SLC7A1: variants seen among roughly 807,000 people sequenced by gnomAD.
The protein encoded by SLC7A1 is solute carrier family 7 member 1.
SLC7A1 carries 10 observed loss-of-function variants against 53.9 expected under a neutral mutation model. The ratio of observed to expected loss-of-function variants is 0.19; its 90% confidence interval spans 0.11 to 0.31. The LOEUF is 0.31. Ranked by LOEUF, SLC7A1 falls within the 10% of genes least tolerant of loss-of-function variation. The pLI, the probability that SLC7A1 is intolerant of heterozygous loss-of-function variation, is 1.00. For synonymous variants in SLC7A1, 342 were observed against 338.7 expected (o/e 1.01, Z -0.11); for missense variants, 525 against 827.2 (o/e 0.63, Z 4.48).
rs1404262484 is a variant in SLC7A1, at chr13:29,513,406, G to A, written c.*1074C>T. The stretch of plus-strand genomic sequence containing the variant: ...GTGGAGTGTCACAATTTCATGGACT[G>A]TGGATTGATTTCAATTTCATCATGT... On this transcript the variant is annotated 3_prime_UTR_variant, in exon 13 of 13. Transcript: ENST00000380752. 3.9e-5 allele frequency: 6 copies of A among 152,692 alleles called. No individual in the cohort carries two copies. The highest frequency in any genetic ancestry group is 2.9e-5 in the Non-Finnish European group (2 of 68,064). The allele number at this position is 152,692 out of a possible 1,614,324, so 9.5% of individuals were successfully genotyped here. A position where few individuals can be genotyped will look rare whatever the true frequency, so the allele number is the denominator to read the frequency against.
chr13:29,516,264 G>A lies in SLC7A1; in HGVS notation c.1678-18C>T. On this transcript the variant is annotated intron_variant, in intron 11 of 12. Transcript: ENST00000380752. ...AAGGGAACCTGAAGAGACAGGAGGT[G>A]GCTTCAATCCATGGCAGTGGCGCCG... is the stretch of plus-strand genomic sequence containing the variant. The A allele has an allele frequency of 1.3e-6, 2 of 1,563,014 alleles. No homozygotes were observed. The highest frequency in any genetic ancestry group is 1.8e-6 in the Non-Finnish European group (2 of 1,136,626).
In SLC7A1 at chr13:29,565,705, C is replaced by T. The variant is rs377250341; in HGVS notation, c.-114-11845G>A. Among the ~76,000 whole-genome samples, 32 of 152,208 alleles carry T rather than the reference C, an allele frequency of 2.1e-4. 1 individual carries two copies. The highest frequency in any genetic ancestry group is 7.7e-4 in the African/African-American group (32 of 41,450). On this transcript the variant is annotated intron_variant, in intron 1 of 12. Coordinates refer to ENST00000380752, the MANE Select transcript of SLC7A1 (RefSeq NM_003045.5). ...ACAAAAAGAAGCCTCTGTGCACCTACTTATGCCCTGGAGAAAAGCCCGGGA... is the reference window on the plus strand; with the variant it reads ...ACAAAAAGAAGCCTCTGTGCACCTATTTATGCCCTGGAGAAAAGCCCGGGA...
chr13:29,515,770 T>A (rs1183861819), intron 12 of SLC7A1, among the ~76,000 whole-genome samples: 1 of 152,192 alleles, frequency 6.6e-6, no homozygotes, highest in Non-Finnish European at 1.5e-5. Flanking sequence ...GAGGAGCCCA[T>A]GACATCCACC....
chr13:29,572,293 G>A (rs1039816468), intron 1 of SLC7A1, among the ~76,000 whole-genome samples: 13 of 152,236 alleles, frequency 8.5e-5, no homozygotes, highest in African/African-American at 4.8e-5. Context: ...GAGCCAGGAC[G>A]CTTCACACAA....
At chr13:29,546,981 T>C (rs12427581) in intron 2 of SLC7A1, among the ~76,000 whole-genome samples, 4,522 of 152,172 alleles carry the variant, frequency 0.03, 187 homozygotes, top group African/African-American at 0.082. Context: ...GCTGGCAGAT[T>C]ATATTGCCTG....
chr13:29,529,989 G>C (rs1298386355), intron 5 of SLC7A1, among the ~76,000 whole-genome samples: 1 of 152,208 alleles, frequency 6.6e-6, no homozygotes, highest in Non-Finnish European at 1.5e-5. Flanking sequence ...TGGGGCCACT[G>C]TCGCCAGGGC....
intron 1 of SLC7A1, among the ~76,000 whole-genome samples, chr13:29,592,299 C>T (rs992917724): frequency 6.6e-6 from 1 of 152,208 alleles, no homozygotes; most frequent in African/African-American, 2.4e-5. Flanking sequence ...CCAATGAAAG[C>T]CACTGGGTGT....
At chr13:29,572,194 G>A (rs1272118110) in intron 1 of SLC7A1, among the ~76,000 whole-genome samples, 1 of 152,228 alleles carries the variant, frequency 6.6e-6, no homozygotes, top group Non-Finnish European at 1.5e-5. Context: ...AGTGCGACAC[G>A]CTGTCTAGGC....
intron 1 of SLC7A1, among the ~76,000 whole-genome samples, chr13:29,576,292 T>A (rs867955718): frequency 4.7e-5 from 5 of 107,192 alleles, no homozygotes; most frequent in Non-Finnish European, 3.4e-5. Flanking sequence ...ATCCTGTTTT[T>A]TAAAAAAAAA....
intron 5 of SLC7A1, among the ~76,000 whole-genome samples, chr13:29,526,222 T>C (rs555633963): frequency 9.2e-5 from 14 of 152,208 alleles, no homozygotes; most frequent in African/African-American, 2.2e-4. Context: ...ATGCCCACTA[T>C]GGGAGGCCGA....
chr13:29,589,173 T>C (rs1872003797), intron 1 of SLC7A1, among the ~76,000 whole-genome samples: 2 of 152,188 alleles, frequency 1.3e-5, no homozygotes, highest in African/African-American at 2.4e-5. Flanking sequence ...CTCCGCAAGA[T>C]ATTGTAGAAA....
At chr13:29,541,285 G>T (rs1869654912) in intron 2 of SLC7A1, among the ~76,000 whole-genome samples, 1 of 152,240 alleles carries the variant, frequency 6.6e-6, no homozygotes, top group African/African-American at 2.4e-5. Flanking sequence ...TATAAAAAAA[G>T]AGGTAAGGAA....
chr13:29,537,634 G>T (rs914548395), intron 2 of SLC7A1, among the ~76,000 whole-genome samples: 6 of 152,210 alleles, frequency 3.9e-5, no homozygotes, highest in Non-Finnish European at 8.8e-5. Context: ...GGGAAATGGT[G>T]AGGGGCACAT....
intron 1 of SLC7A1, among the ~76,000 whole-genome samples, chr13:29,571,034 C>CAT (rs1871169245): frequency 1.3e-5 from 2 of 152,160 alleles, no homozygotes; most frequent in African/African-American, 4.8e-5. Context: ...ATGTATAAGA[C>CAT]ATCTCATTAG....
At chr13:29,563,248 T>C (rs1870836372) in intron 1 of SLC7A1, among the ~76,000 whole-genome samples, 1 of 152,194 alleles carries the variant, frequency 6.6e-6, no homozygotes, top group Non-Finnish European at 1.5e-5. Flanking sequence ...AGCTAAATCC[T>C]ACCATGCACA....
intron 1 of SLC7A1, among the ~76,000 whole-genome samples, chr13:29,568,082 AC>A (rs1871045477): frequency 6.6e-6 from 1 of 152,188 alleles, no homozygotes. Flanking sequence ...CTCTAAACTT[AC>A]ACAAAACTTC....
At chr13:29,544,010 G>C (rs912394359) in intron 2 of SLC7A1, among the ~76,000 whole-genome samples, 2 of 152,186 alleles carry the variant, frequency 1.3e-5, no homozygotes, top group African/African-American at 4.8e-5. Flanking sequence ...GCATGGCAAA[G>C]ACCACAGCAT....
chr13:29,557,248 T>C (rs1870477807), intron 1 of SLC7A1, among the ~76,000 whole-genome samples: 1 of 152,136 alleles, frequency 6.6e-6, no homozygotes, highest in South Asian at 2.1e-4. Flanking sequence ...CAGGGGTACG[T>C]GGGGACTATA....
rs1870730861 is a variant in SLC7A1, at chr13:29,560,996, T to C, written c.-114-7136A>G. 2.0e-5 allele frequency among the ~76,000 whole-genome samples: 3 copies of C among 152,210 alleles called. No individual in the cohort carries two copies. In the South Asian group the frequency reaches 6.2e-4, roughly 32 times the overall value. ...TTTATTAAACATAATGCCCAACTTT[T>C]TGGCAACTTACAAAGCGGTTTCGCC... On this transcript the variant is annotated intron_variant, in intron 1 of 12. Coordinates refer to ENST00000380752, the MANE Select transcript of SLC7A1 (RefSeq NM_003045.5).
Sources: gnomAD v4.1 joint callset for allele counts (sites outside exome capture counted in the v4.1 genomes callset) on GRCh38, gnomAD v4.1.1 for gene constraint, MANE v1.5 for transcripts, NCBI Gene and HGNC (gene_info 2026-07-23, HGNC 2026-07-21) for gene names.